IL17REL: variants seen among roughly 807,000 people sequenced by gnomAD.
IL17REL encodes interleukin 17 receptor E like.
In IL17REL, 36 loss-of-function variants were observed where a neutral mutation model predicts 49.0. The ratio of observed to expected loss-of-function variants is 0.73; its 90% CI spans 0.56 to 0.97. The LOEUF is 0.97. Among genes scored for constraint, IL17REL ranks in the 50% least tolerant of loss-of-function variants. IL17REL has a pLI of 0.00. For synonymous variants in IL17REL, 206 were observed against 192.4 expected (o/e 1.07, Z -0.58); for missense variants, 470 against 453.9 (o/e 1.04, Z -0.32).
At chr22:50,011,054 C>G (rs545490323), upstream of IL17REL, among the ~76,000 whole-genome samples, 331 of 151,684 alleles carry the variant, frequency 2.2e-3, 5 homozygotes, top group Admixed American at 0.017. Context: ...CTGGCTTCCC[C>G]CCGCGGGCAG....
exon 5 of IL17REL, chr22:49,999,849 C>T (rs1021390798): frequency 2.8e-5 from 42 of 1,523,066 alleles, no homozygotes; most frequent in Non-Finnish European, 3.5e-5. Flanking sequence ...CGCCGGCGTC[C>T]TCGCAGGTGA....
intron 1 of IL17REL, among the ~76,000 whole-genome samples, chr22:50,005,066 C>T (rs990752869): frequency 2.0e-5 from 3 of 149,888 alleles, no homozygotes; most frequent in African/African-American, 7.4e-5. Context: ...GTGAAACGGG[C>T]GCAGGAGGAG....
intron 1 of IL17REL, among the ~76,000 whole-genome samples, chr22:50,003,246 C>T (rs559438094): frequency 1.1e-4 from 16 of 152,062 alleles, no homozygotes; most frequent in African/African-American, 3.6e-4. Context: ...GGGAGTGGGC[C>T]GGGCGGGGCT....
upstream of IL17REL, among the ~76,000 whole-genome samples, chr22:50,009,347 T>C (rs927101689): frequency 6.6e-6 from 1 of 152,060 alleles, no homozygotes; most frequent in Non-Finnish European, 1.5e-5. Context: ...TGAGGACTTG[T>C]GGCCAGGCTC....
chr22:49,996,906 C>T (rs546707283), intron 12 of IL17REL, 46 bp from the exon 15 acceptor site: 346 of 672,568 alleles, frequency 5.1e-4, no homozygotes, highest in Non-Finnish European at 6.9e-4. Context: ...CTGCTTCCCC[C>T]GGGGATGGGG....
At chr22:49,993,492 G>T (rs562695425), downstream of IL17REL, among the ~76,000 whole-genome samples, 13 of 152,294 alleles carry the variant, frequency 8.5e-5, no homozygotes, top group African/African-American at 2.6e-4. The surrounding 1 kb of genome is among the most constrained non-coding windows in gnomAD (Gnocchi z 6.0). Context: ...GGCGCTCCGT[G>T]TTGGGTGCTG....
intron 1 of IL17REL, among the ~76,000 whole-genome samples, chr22:50,004,869 C>T (rs1569211410): frequency 6.7e-6 from 1 of 148,398 alleles, no homozygotes; most frequent in African/African-American, 2.5e-5. Flanking sequence ...AAAAGACAAC[C>T]TCCTTTATGC....
At chr22:50,000,719 G>A (rs758590492) in intron 3 of IL17REL, 35 bp downstream of exon 4, 13 of 1,554,918 alleles carry the variant, frequency 8.4e-6, no homozygotes, top group Middle Eastern at 1.8e-4. Context: ...CCCAGTCTTC[G>A]GGACTTGGGT....
At chr22:50,006,232 A>G (rs912587273) in intron 1 of IL17REL, among the ~76,000 whole-genome samples, 8 of 152,096 alleles carry the variant, frequency 5.3e-5, no homozygotes, top group Non-Finnish European at 1.0e-4. Flanking sequence ...GTGGAGGAGC[A>G]GGGAGAGAAA....
chr22:50,001,190 T>G, exon 2 of IL17REL: 3 of 1,591,498 alleles, frequency 1.9e-6, no homozygotes, highest in Non-Finnish European at 2.6e-6. Context: ...GACCTGGACA[T>G]GGACACGGGG....
intron 1 of IL17REL, among the ~76,000 whole-genome samples, chr22:50,007,001 A>G (rs1312583079): frequency 1.3e-5 from 2 of 151,848 alleles, no homozygotes; most frequent in East Asian, 1.9e-4. Context: ...AAAAACCTAT[A>G]TGACAATTTT....
upstream of IL17REL, among the ~76,000 whole-genome samples, chr22:50,012,354 T>G (rs1424136827): frequency 2.6e-5 from 4 of 152,152 alleles, no homozygotes; most frequent in Non-Finnish European, 5.9e-5. Flanking sequence ...CAGCAAACAC[T>G]TCCCGGAGCA....
At chr22:49,992,416 C>T (rs1196193731), downstream of IL17REL, among the ~76,000 whole-genome samples, 1 of 152,124 alleles carries the variant, frequency 6.6e-6, no homozygotes, top group Non-Finnish European at 1.5e-5. Flanking sequence ...CTCCCAGGGA[C>T]CACCCTATTT....
At chr22:49,991,982 G>C (rs144884430), downstream of IL17REL, among the ~76,000 whole-genome samples, 767 of 152,282 alleles carry the variant, frequency 5.0e-3, 10 homozygotes, top group African/African-American at 0.018. Context: ...GGTTCTGTCT[G>C]GAAAAGTGGG....
intron 1 of IL17REL, among the ~76,000 whole-genome samples, chr22:50,007,291 G>A (rs1601892615): frequency 1.3e-5 from 2 of 152,074 alleles, no homozygotes; most frequent in South Asian, 2.1e-4. Context: ...GTCATTAGCT[G>A]CAGAATATGT....
intron 10 of IL17REL, 58 bp downstream of exon 12, chr22:49,997,627 T>C: frequency 6.6e-7 from 1 of 1,523,954 alleles, no homozygotes; most frequent in East Asian, 2.3e-5. Context: ...CAGCACAGAG[T>C]GATATAAAGG....
At chr22:50,004,671 G>GGTTTGGTTGA (rs1601890800) in intron 1 of IL17REL, among the ~76,000 whole-genome samples, 2 of 151,592 alleles carry the variant, frequency 1.3e-5, no homozygotes, top group East Asian at 1.9e-4. Flanking sequence ...GACCAGCCTG[G>GGTTTGGTTGA]CCAACATGGT....
chr22:50,005,302 A>G (rs369210747), intron 1 of IL17REL, among the ~76,000 whole-genome samples: 10 of 152,138 alleles, frequency 6.6e-5, no homozygotes, highest in African/African-American at 2.2e-4. Context: ...CTTATTCAAA[A>G]TAAGGCATAA....
At chr22:49,999,952 T>A (rs1271938354) in exon 5 of IL17REL, 15 of 1,516,816 alleles carry the variant, frequency 9.9e-6, no homozygotes, top group Non-Finnish European at 1.2e-5. Flanking sequence ...GTCCACCCAG[T>A]AGCTGAGCTT....
Sources: allele counts gnomAD v4.1 joint callset (sites outside exome capture counted in the v4.1 genomes callset), GRCh38; gene constraint gnomAD v4.1.1; non-coding constraint Gnocchi (gnomAD v3.1); transcripts MANE v1.5; gene names NCBI Gene and HGNC (gene_info 2026-07-23, HGNC 2026-07-21).